Variants in FBXO4 observed in about 807,000 individuals in gnomAD.
The protein encoded by FBXO4 is F-box only protein 4.
A neutral mutation model predicts 43.7 loss-of-function variants in FBXO4; 36 were observed. That is an observed-to-expected ratio of 0.82 (90% CI 0.63 to 1.09). The LOEUF is 1.09. Among genes scored for constraint, FBXO4 ranks in the 50% least tolerant of loss-of-function variants. FBXO4 has a pLI of 0.00. For synonymous variants in FBXO4, 180 were observed against 165.6 expected, an observed-to-expected ratio of 1.09 and a Z score of -0.67; for missense variants, 435 against 474.1, an observed-to-expected ratio of 0.92 and a Z score of 0.77.
chr5:41,964,569 A>G, the FBXO4 span, among the ~76,000 whole-genome samples: 4 of 151,474 alleles, frequency 2.6e-5, no homozygotes, highest in Non-Finnish European at 5.9e-5. Context: ...TATCCAAGCC[A>G]CAAAATGATT....
chr5:41,934,323 G>T lies in FBXO4; in HGVS notation c.898+15G>T, dbSNP rs769352966. 6.2e-7 allele frequency: 1 copy of T among 1,613,844 alleles called. No individual in the cohort carries two copies. The highest frequency in any genetic ancestry group is 1.7e-5 in the Admixed American group (1 of 60,014). ...AGCTCATAAAAGTAAGTACTCATAT[G>T]TACATTTTTAAGCACATTGTTCTTT... On this transcript the variant is annotated intron_variant, in intron 5 of 6. Transcript: ENST00000281623.
chr5:42,027,314 T>A, the FBXO4 span, among the ~76,000 whole-genome samples: 1 of 125,944 alleles, frequency 7.9e-6, no homozygotes, highest in African/African-American at 4.1e-5. Flanking sequence ...TTCTTCTAGA[T>A]TTCCCAATTA....
At chr5:41,954,993 A>G in the FBXO4 span, among the ~76,000 whole-genome samples, 2 of 152,204 alleles carry the variant, frequency 1.3e-5, no homozygotes, top group African/African-American at 4.8e-5. Flanking sequence ...AAGAGTTTTT[A>G]GTTGCTCTAT....
chr5:41,982,946 T>A, the FBXO4 span, among the ~76,000 whole-genome samples: 1 of 152,054 alleles, frequency 6.6e-6, no homozygotes, highest in South Asian at 2.1e-4. Flanking sequence ...TCAACTCCCA[T>A]TTATAAGTGA....
rs567898431 is a variant in FBXO4 at position 41,925,336 on chromosome 5, A to C, written c.27A>C (p.Gly9=). 2 of 1,363,014 alleles carry C rather than the reference A, an allele frequency of 1.5e-6. No individual in the cohort carries two copies. Among genetic ancestry groups the C allele is most frequent in the African/African-American group, 1.5e-5 (1 of 65,240 alleles). The allele number at this position is 1,363,014 out of a possible 1,614,324, so 84.4% of individuals were successfully genotyped here. A position where few individuals can be genotyped will look rare whatever the true frequency, so the allele number is the denominator to read the frequency against. MAGSEPRS[G]TNSPPPPFSD... The stretch of plus-strand genomic sequence containing the variant: ...TGGCGGGAAGCGAGCCGCGCAGCGG[A>C]ACAAACTCGCCGCCGCCGCCCTTCA... The change falls in exon 1 of 7, where the codon GGA becomes GGC. Residue 9 remains glycine (G), a synonymous_variant. Transcript: ENST00000281623.
chr5:42,007,813 T>A, the FBXO4 span, among the ~76,000 whole-genome samples: 8 of 152,100 alleles, frequency 5.3e-5, no homozygotes. Context: ...CGCCAACATA[T>A]AGTAGACTAA....
the FBXO4 span, among the ~76,000 whole-genome samples, chr5:42,037,284 G>C: frequency 6.6e-6 from 1 of 151,960 alleles, no homozygotes; most frequent in Non-Finnish European, 1.5e-5. Context: ...GAGAGGCAAG[G>C]TTATGAGCAG....
Position 41,925,431 on chromosome 5 carries a change from A to G in FBXO4, c.122A>G (p.Glu41Gly), listed in dbSNP as rs763827758. ...WKTFWQSVSK[E>G]RVARTTSREE... ...ACCTTCTGGCAGTCAGTGAGCAAGG[A>G]GAGGGTGGCGCGTACGACCTCACGG... The change falls in exon 1 of 7, where the codon GAG (glutamate) becomes GGG (glycine). Residue 41 changes from glutamate (E) to glycine (G), a missense_variant. Transcript: ENST00000281623. 3 of 1,376,740 alleles carry G rather than the reference A, an allele frequency of 2.2e-6. No individual in the cohort carries two copies. Among genetic ancestry groups the G allele is most frequent in the South Asian group, 3.4e-5 (2 of 59,274 alleles). The allele number at this position is 1,376,740 out of a possible 1,614,324, so 85.3% of individuals were successfully genotyped here.
the FBXO4 span, among the ~76,000 whole-genome samples, chr5:41,994,061 T>C: frequency 1.3e-5 from 2 of 152,130 alleles, no homozygotes; most frequent in Non-Finnish European, 2.9e-5. Flanking sequence ...AGTCCACTCC[T>C]AGACAACTTG....
intron 1 of FBXO4, among the ~76,000 whole-genome samples, chr5:41,926,001 C>G (rs1751483496): frequency 6.6e-6 from 1 of 152,006 alleles, no homozygotes; most frequent in South Asian, 2.1e-4. Context: ...CAAAACGGCC[C>G]CTCAGTTGAA....
chr5:41,992,397 T>G, the FBXO4 span, among the ~76,000 whole-genome samples: 1 of 152,178 alleles, frequency 6.6e-6, no homozygotes, highest in Non-Finnish European at 1.5e-5. Flanking sequence ...TAAAAATATG[T>G]TTTTTCTATT....
chr5:41,926,637 A>G (rs1421506468), intron 1 of FBXO4, among the ~76,000 whole-genome samples: 2 of 152,220 alleles, frequency 1.3e-5, no homozygotes, highest in African/African-American at 4.8e-5. Context: ...ATAAAGGTTG[A>G]TATGGGTTTT....
the FBXO4 span, among the ~76,000 whole-genome samples, chr5:42,029,234 T>C: frequency 1.3e-5 from 2 of 152,042 alleles, no homozygotes; most frequent in African/African-American, 2.4e-5. Flanking sequence ...GATAAAACTT[T>C]TTCTCATTCA....
the FBXO4 span, among the ~76,000 whole-genome samples, chr5:41,982,619 A>G: frequency 1.3e-5 from 2 of 152,240 alleles, no homozygotes; most frequent in African/African-American, 4.8e-5. Context: ...TTACAAAATC[A>G]TATCTATCTG....
At chr5:42,002,516 T>A in the FBXO4 span, among the ~76,000 whole-genome samples, 1 of 152,214 alleles carries the variant, frequency 6.6e-6, no homozygotes, top group South Asian at 2.1e-4. Context: ...AACTAAGATT[T>A]TTATTGAAGG....
the FBXO4 span, among the ~76,000 whole-genome samples, chr5:41,982,891 C>G: frequency 3.9e-5 from 6 of 152,046 alleles, no homozygotes; most frequent in Admixed American, 3.3e-4. Flanking sequence ...TCAACAAGCC[C>G]TGGTGTGTGA....
At chr5:41,934,697 C>G in intron 5 of FBXO4, 1 of 1,059,898 alleles carries the variant, frequency 9.4e-7, no homozygotes, top group Non-Finnish European at 1.1e-6. Context: ...CTGCTTCTGG[C>G]TTTATTCAAA....
chr5:41,959,824 A>C, the FBXO4 span, among the ~76,000 whole-genome samples: 1 of 152,060 alleles, frequency 6.6e-6, no homozygotes, highest in Admixed American at 6.6e-5. Flanking sequence ...CTTTTTGCTC[A>C]ATATTGCTTT....
the FBXO4 span, among the ~76,000 whole-genome samples, chr5:42,016,040 G>A: frequency 6.6e-6 from 1 of 152,250 alleles, no homozygotes; most frequent in Admixed American, 6.5e-5. Flanking sequence ...CTTGTGAAGG[G>A]AGAACGGACA....
Sources: allele counts gnomAD v4.1 joint callset (sites outside exome capture counted in the v4.1 genomes callset), GRCh38; gene constraint gnomAD v4.1.1; transcripts MANE v1.5; gene names NCBI Gene and HGNC (gene_info 2026-07-23, HGNC 2026-07-21).